The following CLEC9A variants were observed in gnomAD, a reference collection of about 807,000 sequenced individuals.
CLEC9A encodes C-type lectin domain family 9 member A.
Under a neutral mutation model 30.0 loss-of-function variants are expected in CLEC9A, and 24 were observed. The ratio of observed to expected loss-of-function variants is 0.80; its 90% confidence interval spans 0.58 to 1.13. CLEC9A has a LOEUF of 1.13. CLEC9A is among the 50% of genes most tolerant of loss of function. CLEC9A has a pLI of 0.00. For synonymous variants in CLEC9A, 111 were observed against 96.8 expected (o/e 1.15, Z -0.86); for missense variants, 251 against 280.9 (o/e 0.89, Z 0.76).
intron 2 of CLEC9A, among the ~76,000 whole-genome samples, chr12:10,051,281 T>G (rs1865891092): frequency 6.6e-6 from 1 of 152,136 alleles, no homozygotes; most frequent in African/African-American, 2.4e-5. Context: ...CCCTGGGGAT[T>G]CTCTCAGTTC....
At position 10,038,974 on chromosome 12, in the gene CLEC9A, A is replaced by T. The variant is rs118049421; in HGVS notation, c.-317-2492A>T. On this transcript the variant is annotated intron_variant, in intron 1 of 8. Transcript: ENST00000355819. Reference sequence around the variant, plus strand: ...TGGGCCATGCCTATTGTTGATGATCATCAGGAGAACACAGGTGAGATCTGC... The same window carrying T: ...TGGGCCATGCCTATTGTTGATGATCTTCAGGAGAACACAGGTGAGATCTGC... Among the ~76,000 whole-genome samples the T allele has an allele frequency of 4.0e-3, 608 of 152,376 alleles. 3 individuals are homozygous for T. The highest frequency in any genetic ancestry group is 0.039 in the East Asian group (205 of 5,192).
rs1056231665 is a variant in CLEC9A at position 10,065,500 on chromosome 12, G to A, written c.594G>A (p.Leu198=). ...CAGAAATGTTGACTTGCTTTTCCAGGTTGCCAGCAGAGAGATCCCAGTCAG... is the reference window on the plus strand; with the variant it reads ...CAGAAATGTTGACTTGCTTTTCCAGATTGCCAGCAGAGAGATCCCAGTCAG... ...WQDGSSPSPG[L]LPAERSQSAN... is the part of the protein sequence containing the mutation. Residue 198 remains leucine, a splice_region_variant and synonymous_variant, in exon 9 of 9, where the codon CTG becomes CTA. Coordinates refer to ENST00000355819, the MANE Select transcript of CLEC9A (RefSeq NM_207345.4). 1 of 1,613,522 alleles carries A rather than the reference G, an allele frequency of 6.2e-7. No individual in the cohort carries two copies. The highest frequency in any genetic ancestry group is 8.5e-7 in the Non-Finnish European group (1 of 1,179,684).
chr12:10,060,440 A>C (rs1201571906), intron 5 of CLEC9A, among the ~76,000 whole-genome samples: 1 of 152,246 alleles, frequency 6.6e-6, no homozygotes, highest in African/African-American at 2.4e-5. Flanking sequence ...TTCTGAGTGA[A>C]CAAAGCAAAT....
chr12:10,054,891 G>A lies in CLEC9A; in HGVS notation c.172+540G>A, dbSNP rs923044506. Among the ~76,000 whole-genome samples, 6 of 152,082 alleles carry A rather than the reference G, an allele frequency of 3.9e-5. No individual in the cohort carries two copies. In the South Asian group the frequency reaches 1.2e-3, roughly 32 times the overall value. Reference sequence around the variant, plus strand: ...TACAGAGCTTCAGATTCCAGAAAAAGAACAATGAACCTCTAACATCACTCA... The same window carrying A: ...TACAGAGCTTCAGATTCCAGAAAAAAAACAATGAACCTCTAACATCACTCA... On this transcript the variant is annotated intron_variant, in intron 5 of 8. Coordinates refer to ENST00000355819, the MANE Select transcript of CLEC9A (RefSeq NM_207345.4).
Position 10,051,975 on chromosome 12 carries a change from C to T in CLEC9A, c.-162-16C>T, listed in dbSNP as rs1021287435. 6.6e-6 allele frequency: 1 copy of T among 152,222 alleles called. No individual in the cohort carries two copies. Among genetic ancestry groups the T allele is most frequent in the African/African-American group, 2.4e-5 (1 of 41,462 alleles). 9.4% of individuals were successfully genotyped at this position (152,222 alleles called of 1,614,324 possible). A position where few individuals can be genotyped will look rare whatever the true frequency, so the allele number is the denominator to read the frequency against. The stretch of plus-strand genomic sequence containing the variant: ...AGAGCAGGTGTGGATTCATCACCTT[C>T]TCTTTTCTTTTCCAGTGGATAGAAG... On this transcript the variant is annotated splice_polypyrimidine_tract_variant and intron_variant, in intron 2 of 8. Transcript: ENST00000355819.
intron 2 of CLEC9A, among the ~76,000 whole-genome samples, chr12:10,049,001 T>G (rs1204624280): frequency 1.3e-5 from 2 of 152,154 alleles, no homozygotes; most frequent in Non-Finnish European, 2.9e-5. Flanking sequence ...GAATAAGACT[T>G]GAAAGTCAAA....
intron 2 of CLEC9A, among the ~76,000 whole-genome samples, chr12:10,045,038 G>C (rs1193137758): frequency 6.6e-6 from 1 of 152,122 alleles, no homozygotes; most frequent in Non-Finnish European, 1.5e-5. Context: ...CAAAAATATT[G>C]AATCAACTCA....
At chr12:10,050,937 G>A (rs990867871) in intron 2 of CLEC9A, among the ~76,000 whole-genome samples, 2 of 152,214 alleles carry the variant, frequency 1.3e-5, no homozygotes, top group Non-Finnish European at 2.9e-5. Flanking sequence ...AGGCACAGTG[G>A]TTCACGCTTA....
At chr12:10,045,504 G>T in intron 2 of CLEC9A, 1 of 238,330 alleles carries the variant, frequency 4.2e-6, no homozygotes. Flanking sequence ...TTCTGAAGAT[G>T]GAAAAGGAAA....
chr12:10,052,886 T>A, intron 4 of CLEC9A, 108 bp downstream of exon 4: 1 of 1,261,390 alleles, frequency 7.9e-7, no homozygotes, highest in Non-Finnish European at 1.1e-6. Context: ...ATAATCTACC[T>A]AAGGGTACTG....
chr12:10,061,384 A>G, intron 6 of CLEC9A, 111 bp downstream of exon 6: 1 of 1,125,242 alleles, frequency 8.9e-7, no homozygotes, highest in South Asian at 1.8e-5. Context: ...GGATTTTATA[A>G]TAAGAGTGAC....
At chr12:10,052,814 A>G in intron 4 of CLEC9A, 36 bp downstream of exon 4, 1 of 1,586,388 alleles carries the variant, frequency 6.3e-7, no homozygotes, top group Non-Finnish European at 8.6e-7. Context: ...GAGACTTTAG[A>G]GTTCATGTTT....
intron 2 of CLEC9A, among the ~76,000 whole-genome samples, chr12:10,044,870 T>C (rs549434444): frequency 6.6e-6 from 1 of 152,336 alleles, no homozygotes; most frequent in African/African-American, 2.4e-5. Context: ...AACAACTTTG[T>C]CACATAGTTA....
chr12:10,060,995 C>G (rs1865991539), intron 5 of CLEC9A, 132 bp from the exon 6 acceptor site: 1 of 1,133,930 alleles, frequency 8.8e-7, no homozygotes, highest in Non-Finnish European at 1.2e-6. Context: ...AAATTTTAAG[C>G]AAAAACCTAA....
Position 10,065,998 on chromosome 12 carries a change from A to AAAAT in CLEC9A, c.*379_*382dup, listed in dbSNP as rs1021842461. On this transcript the variant is annotated 3_prime_UTR_variant, in exon 9 of 9. Transcript: ENST00000355819. ...GTAGTTACAGCTGACTAATATTTTT[A>AAAAT]AAATAAATAAATAAATTTGGCCTTT... is the stretch of plus-strand genomic sequence containing the variant. The AAAAT allele has an allele frequency of 6.4e-6, 1 of 155,738 alleles. No individual in the cohort carries two copies. The highest frequency in any genetic ancestry group is 1.9e-4 in the East Asian group (1 of 5,330). 9.6% of individuals were successfully genotyped at this position (155,738 alleles called of 1,614,324 possible). A position where few individuals can be genotyped will look rare whatever the true frequency, so the allele number is the denominator to read the frequency against.
intron 3 of CLEC9A, 109 bp from the exon 4 acceptor site, chr12:10,052,521 T>C: frequency 7.7e-7 from 1 of 1,304,780 alleles, no homozygotes; most frequent in Non-Finnish European, 9.8e-7. Context: ...ACTTCCACTT[T>C]CTGAATGAAG....
chr12:10,063,584 T>C (rs1866015941), intron 7 of CLEC9A, among the ~76,000 whole-genome samples: 1 of 152,228 alleles, frequency 6.6e-6, no homozygotes, highest in Non-Finnish European at 1.5e-5. Context: ...TAGTAACCTA[T>C]AATAATCTTG....
rs1384758109 is a variant in CLEC9A at position 10,065,669 on chromosome 12, T to C, written c.*37T>C. The C allele has an allele frequency of 1.2e-6, 2 of 1,606,398 alleles. No homozygotes were observed. Among genetic ancestry groups the C allele is most frequent in the Admixed American group, 1.7e-5 (1 of 59,370 alleles). ...TTCAAAGTGTTCTATTACACTGTTA[T>C]TTGGAGCATGCCATTGGAAAACCCA... On this transcript the variant is annotated 3_prime_UTR_variant, in exon 9 of 9. Coordinates refer to ENST00000355819, the MANE Select transcript of CLEC9A (RefSeq NM_207345.4).
chr12:10,039,268 A>G lies in CLEC9A; in HGVS notation c.-317-2198A>G, dbSNP rs113376488. Among the ~76,000 whole-genome samples the G allele has an allele frequency of 8.4e-3, 1,275 of 152,230 alleles. 26 individuals carry two copies. The highest frequency in any genetic ancestry group is 0.029 in the African/African-American group (1,218 of 41,538). The stretch of plus-strand genomic sequence containing the variant: ...TTTGATTGGAGGAAGGCAATACCGA[A>G]GGGTCATGGCATATCCCACTAAGCT... On this transcript the variant is annotated intron_variant, in intron 1 of 8. Transcript: ENST00000355819.
Sources: allele counts gnomAD v4.1 joint callset (sites outside exome capture counted in the v4.1 genomes callset), GRCh38; gene constraint gnomAD v4.1.1; transcripts MANE v1.5; gene names NCBI Gene and HGNC (gene_info 2026-07-23, HGNC 2026-07-21).